Variants in SLIT1 observed in about 807,000 individuals in gnomAD.
The protein encoded by SLIT1 is slit homolog 1 protein.
Under a neutral mutation model 186.1 loss-of-function variants are expected in SLIT1, and 66 were observed. The ratio of observed to expected loss-of-function variants is 0.35; its 90% CI spans 0.29 to 0.44. The LOEUF is 0.44. SLIT1 is among the 20% of genes least tolerant of loss of function. SLIT1 has a pLI of 1.00. For missense variants in SLIT1, 1,638 were observed against 2,037.4 expected (o/e 0.80, Z 3.77); for synonymous variants, 761 against 833.8 (o/e 0.91, Z 1.50).
chr10:97,183,845 G>A (rs1850373759), intron 1 of SLIT1, among the ~76,000 whole-genome samples: 1 of 152,084 alleles, frequency 6.6e-6, no homozygotes, highest in Admixed American at 6.5e-5. Flanking sequence ...AGAGGGGACA[G>A]GCATGGAGGG....
chr10:97,130,801 T>C (rs1436566013), intron 4 of SLIT1, among the ~76,000 whole-genome samples: 1 of 152,180 alleles, frequency 6.6e-6, no homozygotes, highest in Non-Finnish European at 1.5e-5. Context: ...ACGAGGCGCA[T>C]AAAAACACCA....
At chr10:97,052,204 C>T (rs915134970) in intron 13 of SLIT1, among the ~76,000 whole-genome samples, 2 of 150,772 alleles carry the variant, frequency 1.3e-5, no homozygotes, top group Admixed American at 6.7e-5. Context: ...TCAGGGAATC[C>T]TCCCACCTCA....
intron 4 of SLIT1, among the ~76,000 whole-genome samples, chr10:97,095,518 G>T (rs995025112): frequency 6.6e-6 from 1 of 152,198 alleles, no homozygotes; most frequent in Admixed American, 6.5e-5. Flanking sequence ...AAGCTAGCAT[G>T]TCCCAAATGA....
intron 31 of SLIT1, among the ~76,000 whole-genome samples, chr10:97,007,036 A>G (rs1339885885): frequency 8.5e-5 from 13 of 152,242 alleles, no homozygotes; most frequent in Non-Finnish European, 4.4e-5. Context: ...AGATTTTACT[A>G]TACCCATTTT....
intron 4 of SLIT1, among the ~76,000 whole-genome samples, chr10:97,134,844 A>G (rs1192143114): frequency 1.3e-5 from 2 of 152,182 alleles, no homozygotes; most frequent in East Asian, 1.9e-4. Context: ...GGGCTTTGCC[A>G]TCAGGCAGGC....
chr10:97,056,435 A>G lies in SLIT1; in HGVS notation c.1187T>C (p.Ile396Thr). 1 of 1,614,154 alleles carries G rather than the reference A, an allele frequency of 6.2e-7. No individual in the cohort carries two copies. Among genetic ancestry groups the G allele is most frequent in the Non-Finnish European group, 8.5e-7 (1 of 1,180,012 alleles). The change falls in exon 13 of 37, where the codon ATC becomes ACC. Residue 396 changes from isoleucine (I) to threonine (T), a missense_variant. By Grantham distance (89) the Ile-to-Thr change is moderately conservative (BLOSUM62 -1). Transcript: ENST00000266058. ...CAGGTCCTGGAAGGCATCGGGCCGG[A>G]TGCAGTTGATCTTGTTGGCATTCAG... ...LLLNANKINC[I>T]RPDAFQDLQN...
rs375001100 is a variant in SLIT1 at position 97,066,071 on chromosome 10, G to A, written c.429C>T (p.Asn143=). ...QALSRLDLSE[N]AIQAIPRKAF... ...CTTTCCTGGGGATGGCCTGGATGGC[G>A]TTCTCACTCAAGTCCCTGGGAGGAT... is the stretch of plus-strand genomic sequence containing the variant. Residue 143 remains asparagine, a synonymous_variant, in exon 5 of 37, where the codon AAC becomes AAT. Transcript: ENST00000266058. 321 of 1,604,268 alleles carry A rather than the reference G, an allele frequency of 2.0e-4. 2 individuals carry two copies. Among genetic ancestry groups the A allele is most frequent in the South Asian group, 2.7e-4 (24 of 89,080 alleles).
intron 1 of SLIT1, among the ~76,000 whole-genome samples, chr10:97,170,906 C>G (rs1850178987): frequency 6.6e-6 from 1 of 152,138 alleles, no homozygotes; most frequent in Non-Finnish European, 1.5e-5. Flanking sequence ...CTGGGCTCCT[C>G]TCGGGCTGTT....
intron 16 of SLIT1, among the ~76,000 whole-genome samples, chr10:97,047,461 T>C (rs1348681150): frequency 6.6e-6 from 1 of 152,200 alleles, no homozygotes; most frequent in Admixed American, 6.5e-5. Context: ...CTGCCCTGAG[T>C]GCCAGAGACT....
Position 97,043,922 on chromosome 10 carries a change from G to GA in SLIT1, c.1854-410dup, listed in dbSNP as rs1409500734. On this transcript the variant is annotated intron_variant, in intron 18 of 36. Transcript: ENST00000266058. This position sits in a 1 kb window ranked among gnomAD's most constrained non-coding sequence, Gnocchi z 7.0. ...ACTAACAGCCTCCAAACTGCCCACC[G>GA]AGTCATGCTCGAACTCCTTACTGTG... Among the ~76,000 whole-genome samples the GA allele has an allele frequency of 6.6e-6, 1 of 152,102 alleles. No individual in the cohort carries two copies. Among genetic ancestry groups the GA allele is most frequent in the African/African-American group, 2.4e-5 (1 of 41,400 alleles).
rs546529617 is a variant in SLIT1, at chr10:97,039,892, C to T, written c.2297+96G>A. 1.5e-5 allele frequency: 22 copies of T among 1,424,448 alleles called. 1 individual carries two copies. In the East Asian group the frequency reaches 3.2e-4, roughly 21 times the overall value. 88.2% of individuals were successfully genotyped at this position (1,424,448 alleles called of 1,614,324 possible). On this transcript the variant is annotated intron_variant, in intron 21 of 36. Coordinates refer to ENST00000266058, the MANE Select transcript of SLIT1 (RefSeq NM_003061.3). The stretch of plus-strand genomic sequence containing the variant: ...GCTAATGCCTGCTCTTGGTCACCTC[C>T]TCCTCCCATGGCTAGGCCCCAGCCC...
At chr10:97,003,044 G>A (rs759632873) in intron 34 of SLIT1, 52 bp from the exon 35 acceptor site, 224 of 1,557,278 alleles carry the variant, frequency 1.4e-4, no homozygotes, top group Non-Finnish European at 1.7e-4. Context: ...GGGCTATGCC[G>A]GGCACCCACC....
intron 1 of SLIT1, among the ~76,000 whole-genome samples, chr10:97,166,530 A>G (rs867156197): frequency 5.0e-3 from 251 of 49,782 alleles, no homozygotes; most frequent in African/African-American, 0.015. Context: ...AAAAAAAGAA[A>G]GAAGGAAGGA....
rs1324735044 is a variant in SLIT1 at position 97,018,637 on chromosome 10, C to T, written c.2918G>A (p.Cys973Tyr). The T allele has an allele frequency of 6.3e-7, 1 of 1,597,070 alleles. No individual in the cohort carries two copies. The highest frequency in any genetic ancestry group is 1.7e-5 in the Admixed American group (1 of 57,882). ...TGCATGGCAGGTGCCCCCATTTTCA[C>T]AGGGGCCACTGGAACAGCTGTCCAG... ...VSLDSCSSGP[C>Y]ENGGTCHAQE... The change falls in exon 28 of 37, where the codon TGT becomes TAT. Residue 973 changes from cysteine (C) to tyrosine (Y), a missense_variant. Physicochemically the swap from Cys to Tyr is radical, Grantham distance 194. Transcript: ENST00000266058.
At chr10:97,126,618 G>A (rs1849605926) in intron 4 of SLIT1, among the ~76,000 whole-genome samples, 1 of 152,246 alleles carries the variant, frequency 6.6e-6, no homozygotes, top group African/African-American at 2.4e-5. Context: ...TTGACTGACA[G>A]ATTCCAACAC....
rs1014213488 is a variant in SLIT1 at position 97,000,830 on chromosome 10, C to T, written c.*282G>A. ...TTCTGCACTTCTTGGCCTGACCTCA[C>T]GCACACATTCACTCAACAAATATTT... On this transcript the variant is annotated 3_prime_UTR_variant, in exon 37 of 37. Transcript: ENST00000266058. 11 of 454,702 alleles carry T rather than the reference C, an allele frequency of 2.4e-5. No individual in the cohort carries two copies. Among genetic ancestry groups the T allele is most frequent in the Admixed American group, 7.1e-5 (2 of 28,080 alleles). The allele number at this position is 454,702 out of a possible 1,614,324, so 28.2% of individuals were successfully genotyped here.
At chr10:97,106,411 T>C (rs7911728) in intron 4 of SLIT1, among the ~76,000 whole-genome samples, 173 of 48,442 alleles carry the variant, frequency 3.6e-3, no homozygotes, top group African/African-American at 1.0e-2. Context: ...AATGAACGAA[T>C]GAATGAATGA....
chr10:97,012,568 C>T (rs1639670414), intron 30 of SLIT1, among the ~76,000 whole-genome samples: 1 of 152,212 alleles, frequency 6.6e-6, no homozygotes. Flanking sequence ...GGACAACGTG[C>T]AGTCCTGCCT....
chr10:97,025,757 C>T (rs1848539500), intron 25 of SLIT1, among the ~76,000 whole-genome samples: 1 of 152,212 alleles, frequency 6.6e-6, no homozygotes, highest in South Asian at 2.1e-4. Flanking sequence ...GAAACAGTAG[C>T]TATTTGATCT....
Sources: gnomAD v4.1 joint callset for allele counts (sites outside exome capture counted in the v4.1 genomes callset) on GRCh38, gnomAD v4.1.1 for gene constraint, Gnocchi (gnomAD v3.1) non-coding constraint, MANE v1.5 for transcripts, NCBI Gene and HGNC (gene_info 2026-07-23, HGNC 2026-07-21) for gene names.